The following DYNC1H1 variants were observed in gnomAD, a reference collection of about 807,000 sequenced individuals.
DYNC1H1 encodes dynein cytoplasmic 1 heavy chain 1, also known as cytoplasmic dynein 1 heavy chain 1.
DYNC1H1 carries 51 observed loss-of-function variants against 527.1 expected under a neutral mutation model. The observed-to-expected ratio is 0.10, with a 90% CI of 0.08 to 0.12. The LOEUF (loss-of-function observed/expected upper bound fraction) is 0.12. Among genes scored for constraint, DYNC1H1 ranks in the 10% least tolerant of loss-of-function variants. The pLI is 1.00. For missense variants in DYNC1H1, 2,771 were observed against 5,971.8 expected (o/e 0.46, Z 17.66); for synonymous variants, 2,189 against 2,278.8 (o/e 0.96, Z 1.12).
intron 42 of DYNC1H1, among the ~76,000 whole-genome samples, chr14:102,021,404 G>T (rs1248655704): frequency 6.6e-6 from 1 of 152,106 alleles, no homozygotes; most frequent in South Asian, 2.1e-4. Context: ...CAGATTTCTA[G>T]TACCACAGAG....
Position 102,010,523 on chromosome 14 carries a change from T to G in DYNC1H1, c.6405+64T>G, listed in dbSNP as rs1595614320. On this transcript the variant is annotated intron_variant, in intron 31 of 77. Coordinates refer to ENST00000360184, the MANE Select transcript of DYNC1H1 (RefSeq NM_001376.5). The surrounding 1 kb of genome is among the most constrained non-coding windows in gnomAD (Gnocchi z 6.0). ...TTATTTAAATTTACCTTTTTAACAT[T>G]TAAGCCATGACTTGTGAGTTCTTCT... 6.3e-7 allele frequency: 1 copy of G among 1,583,754 alleles called. No individual in the cohort carries two copies. The highest frequency in any genetic ancestry group is 2.4e-5 in the East Asian group (1 of 42,494).
At chr14:102,008,365 T>C (rs1179672381) in intron 29 of DYNC1H1, 28 bp downstream of exon 29, 2 of 1,613,144 alleles carry the variant, frequency 1.2e-6, no homozygotes, top group Admixed American at 3.3e-5. Context: ...CAAAAATTAC[T>C]TAGAGAATGT....
rs1459783460 is a variant in DYNC1H1, at chr14:102,044,833, T to C, written c.13006+135T>C. The C allele has an allele frequency of 9.5e-7, 1 of 1,052,224 alleles. No individual in the cohort carries two copies. The highest frequency in any genetic ancestry group is 1.4e-6 in the Non-Finnish European group (1 of 710,502). The allele number at this position is 1,052,224 out of a possible 1,614,324, so 65.2% of individuals were successfully genotyped here. On this transcript the variant is annotated intron_variant, in intron 72 of 77. Coordinates refer to ENST00000360184, the MANE Select transcript of DYNC1H1 (RefSeq NM_001376.5). This position sits in a 1 kb window ranked among gnomAD's most constrained non-coding sequence, Gnocchi z 7.1. ...GGGCCCTCCCTGGTTATGCTGGGTG[T>C]GGCTCTGTCAGCCTCGGCCTTCCTG...
chr14:102,053,247 T>G lies in DYNC1H1; in HGVS notation c.*2684T>G, dbSNP rs1323426188. ...CCTCCACCTCCCGGATTCAAGCGATTCTCCTGCCTCAGCCTCCTGAGTAGC... is the reference window on the plus strand; with the variant it reads ...CCTCCACCTCCCGGATTCAAGCGATGCTCCTGCCTCAGCCTCCTGAGTAGC... On this transcript the variant is annotated 3_prime_UTR_variant, in exon 78 of 78. Transcript: ENST00000360184. 1 of 151,186 alleles carries G rather than the reference T, an allele frequency of 6.6e-6. No individual in the cohort carries two copies. The highest frequency in any genetic ancestry group is 1.5e-5 in the Non-Finnish European group (1 of 67,904). The allele number at this position is 151,186 out of a possible 1,614,324, so 9.4% of individuals were successfully genotyped here. A position where few individuals can be genotyped will look rare whatever the true frequency, so the allele number is the denominator to read the frequency against.
chr14:102,007,198 T>C, intron 28 of DYNC1H1, 90 bp downstream of exon 28: 1 of 1,381,346 alleles, frequency 7.2e-7, no homozygotes, highest in Non-Finnish European at 1.0e-6. Flanking sequence ...TCAAAGCCAT[T>C]GGTCTTACAG....
rs117252802 is a variant in DYNC1H1 at position 102,045,886 on chromosome 14, G to A, written c.13006+1188G>A. Among the ~76,000 whole-genome samples the A allele has an allele frequency of 5.5e-3, 839 of 152,206 alleles. 16 individuals carry two copies. Among genetic ancestry groups the A allele is most frequent in the East Asian group, 0.037 (190 of 5,160 alleles). ...AACTTCTTAGAAATGCAGGTTCCCA[G>A]CCGGGCACGGTGGCTCAAGCCTGTA... On this transcript the variant is annotated intron_variant, in intron 72 of 77. Transcript: ENST00000360184.
Position 101,984,448 on chromosome 14 carries a change from A to ATTTTT in DYNC1H1, c.1461+840_1461+841insTTTTT, listed in dbSNP as rs1224932045. ...GTGTGTGTGTATATATATATATATT[A>ATTTTT]TATTTTTTTTTTTTTTTTTTTTTTG... is the stretch of plus-strand genomic sequence containing the variant. On this transcript the variant is annotated intron_variant, in intron 7 of 77. Coordinates refer to ENST00000360184, the MANE Select transcript of DYNC1H1 (RefSeq NM_001376.5). 3.3e-4 allele frequency among the ~76,000 whole-genome samples: 29 copies of ATTTTT among 89,106 alleles called. 5 individuals carry two copies. The highest frequency in any genetic ancestry group is 7.8e-4 in the African/African-American group (14 of 17,886). 58.5% of individuals were successfully genotyped at this position (89,106 alleles called of 152,430 possible).
intron 5 of DYNC1H1, among the ~76,000 whole-genome samples, chr14:101,981,630 C>T (rs2047865488): frequency 6.6e-6 from 1 of 152,204 alleles, no homozygotes; most frequent in Admixed American, 6.5e-5. Flanking sequence ...ATGGTACCCA[C>T]ATCTTAAATG....
intron 1 of DYNC1H1, among the ~76,000 whole-genome samples, chr14:101,969,184 A>ATTT (rs33934050): frequency 1.4e-5 from 2 of 139,192 alleles, no homozygotes; most frequent in African/African-American, 2.6e-5. Flanking sequence ...CACCTGGTTA[A>ATTT]TTTTTTTTTT....
chr14:102,036,532 A>G lies in DYNC1H1; in HGVS notation c.10798A>G (p.Ile3600Val), dbSNP rs2048577256. Residue 3600 changes from isoleucine to valine, a missense_variant, in exon 57 of 78, where the codon ATT (isoleucine) becomes GTT (valine). Ile to Val is a conservative substitution (Grantham distance 29). Transcript: ENST00000360184. The surrounding 1 kb of genome is among the most constrained non-coding windows in gnomAD (Gnocchi z 5.6). Reference protein sequence around the residue: ...IDPSGQATEFIMNEYKDRKIT... With the variant: ...IDPSGQATEFVMNEYKDRKIT... ...CCCCTCTGGACAGGCCACAGAATTCATTATGAATGAATATAAGGATCGTAA... is the reference window on the plus strand; with the variant it reads ...CCCCTCTGGACAGGCCACAGAATTCGTTATGAATGAATATAAGGATCGTAA... 1 of 1,614,156 alleles carries G rather than the reference A, an allele frequency of 6.2e-7. No homozygotes were observed. The highest frequency in any genetic ancestry group is 8.5e-7 in the Non-Finnish European group (1 of 1,180,012).
At chr14:101,982,077 C>T (rs1482259718) in intron 5 of DYNC1H1, among the ~76,000 whole-genome samples, 1 of 152,188 alleles carries the variant, frequency 6.6e-6, no homozygotes, top group Non-Finnish European at 1.5e-5. Flanking sequence ...CTGAGCTCTG[C>T]CCCCGTCACA....
Position 102,033,820 on chromosome 14 carries a change from G to C in DYNC1H1, c.10414-156G>C. On this transcript the variant is annotated intron_variant, in intron 54 of 77. Transcript: ENST00000360184. This position sits in a 1 kb window ranked among gnomAD's most constrained non-coding sequence, Gnocchi z 5.6. The stretch of plus-strand genomic sequence containing the variant: ...TCGTGTGTGGTCATTAGTTATATAT[G>C]ATCTGGGTCTCATCTCCTCTGGGAC... 1.3e-6 allele frequency: 1 copy of C among 792,334 alleles called. No individual in the cohort carries two copies. The highest frequency in any genetic ancestry group is 2.1e-6 in the Non-Finnish European group (1 of 480,976). The allele number at this position is 792,334 out of a possible 1,614,324, so 49.1% of individuals were successfully genotyped here. A position where few individuals can be genotyped will look rare whatever the true frequency, so the allele number is the denominator to read the frequency against.
rs1260969801 is a variant in DYNC1H1, at chr14:102,001,074, C to T, written c.4185+10C>T. 2.5e-6 allele frequency: 4 copies of T among 1,614,042 alleles called. No individual in the cohort carries two copies. The Admixed American group carries it at 5.0e-5, about 20-fold the overall frequency. On this transcript the variant is annotated intron_variant, in intron 19 of 77. Coordinates refer to ENST00000360184, the MANE Select transcript of DYNC1H1 (RefSeq NM_001376.5). This position sits in a 1 kb window ranked among gnomAD's most constrained non-coding sequence, Gnocchi z 5.0. The stretch of plus-strand genomic sequence containing the variant: ...GAAAGGTTACATGAAGGTAGGTGGC[C>T]AGTATCGCACGGTGATGAGTGTCCA...
At position 102,038,742 on chromosome 14, in the gene DYNC1H1, C is replaced by T; in HGVS notation, c.11100C>T (p.Asn3700=). The change falls in exon 59 of 78, where the codon AAC becomes AAT. Residue 3700 remains asparagine, a synonymous_variant. Coordinates refer to ENST00000360184, the MANE Select transcript of DYNC1H1 (RefSeq NM_001376.5). The surrounding 1 kb of genome is among the most constrained non-coding windows in gnomAD (Gnocchi z 7.2). ...PDLCSRVTFV[N]FTVTRSSLQS... ...TCTGTTCCCGGGTTACTTTTGTAAA[C>T]TTCACAGTTACCCGTAGCAGTTTAC... 1 of 1,614,192 alleles carries T rather than the reference C, an allele frequency of 6.2e-7. No homozygotes were observed. The highest frequency in any genetic ancestry group is 1.1e-5 in the South Asian group (1 of 91,082).
At chr14:101,987,654 C>A in intron 9 of DYNC1H1, 22 bp downstream of exon 9, 1 of 1,613,846 alleles carries the variant, frequency 6.2e-7, no homozygotes, top group South Asian at 1.1e-5. Context: ...AATTTGCTAG[C>A]ATTTTCCTCC....
Position 102,034,050 on chromosome 14 carries a change from C to A in DYNC1H1, c.10488C>A (p.Phe3496Leu). ...GATGGGAAAAAACAAGTGAAACTTT[C>A]AAAAACCAGATGTCCACCATTGCTG... ...RERWEKTSET[F>L]KNQMSTIAGD... Residue 3496 changes from phenylalanine (F) to leucine (L), a missense_variant, in exon 55 of 78, where the codon TTC becomes TTA. This residue lies in a region of DYNC1H1 where 283 missense variants were observed against 737.6 expected (regional missense o/e 0.38). Transcript: ENST00000360184. The A allele has an allele frequency of 6.2e-7, 1 of 1,614,118 alleles. No individual in the cohort carries two copies. The highest frequency in any genetic ancestry group is 8.5e-7 in the Non-Finnish European group (1 of 1,180,036).
rs2048610848 is a variant in DYNC1H1, at chr14:102,039,015, C to T, written c.11221C>T (p.Arg3741Cys). 1.2e-6 allele frequency: 2 copies of T among 1,614,100 alleles called. No homozygotes were observed. The highest frequency in any genetic ancestry group is 8.5e-7 in the Non-Finnish European group (1 of 1,180,034). The part of the protein sequence containing the change: ...LLKLQGEFQL[R>C]LRQLEKSLLQ... ...ATTCATTTAAGGGGAATTTCAGCTC[C>T]GTTTGCGTCAGCTGGAAAAATCTCT... Residue 3741 changes from arginine (R) to cysteine (C), a missense_variant, in exon 60 of 78, where the codon CGT (arginine) becomes TGT (cysteine). Around this residue, in one of 32 missense-constraint regions of DYNC1H1, gnomAD observed 283 missense variants for 737.6 expected, o/e 0.38. Transcript: ENST00000360184. The surrounding 1 kb of genome is among the most constrained non-coding windows in gnomAD (Gnocchi z 7.0).
Position 102,048,638 on chromosome 14 carries a change from C to T in DYNC1H1, c.13341C>T (p.Tyr4447=), listed in dbSNP as rs758432699. Reference sequence around the variant, plus strand: ...AAGGAAAGAAGAAGCAGACCAACTACTTGCGCACGCTGATCAACGAGCTAG... The same window carrying T: ...AAGGAAAGAAGAAGCAGACCAACTATTTGCGCACGCTGATCAACGAGCTAG... The part of the protein sequence containing the change: ...VCEGKKKQTN[Y]LRTLINELVK... The change falls in exon 74 of 78, where the codon TAC becomes TAT. Residue 4447 remains tyrosine, a synonymous_variant. Coordinates refer to ENST00000360184, the MANE Select transcript of DYNC1H1 (RefSeq NM_001376.5). 2 of 1,613,740 alleles carry T rather than the reference C, an allele frequency of 1.2e-6. No homozygotes were observed. The highest frequency in any genetic ancestry group is 1.1e-5 in the South Asian group (1 of 91,066).
intron 7 of DYNC1H1, among the ~76,000 whole-genome samples, chr14:101,984,245 C>G (rs1252270770): frequency 1.3e-5 from 2 of 151,904 alleles, no homozygotes; most frequent in African/African-American, 4.8e-5. Context: ...CCACCTCAGC[C>G]TCCCAAAGTG....
Sources: gnomAD v4.1 joint callset for allele counts (sites outside exome capture counted in the v4.1 genomes callset) on GRCh38, gnomAD v4.1.1 for gene constraint, gnomAD v4.1.1 regional missense constraint, Gnocchi (gnomAD v3.1) non-coding constraint, MANE v1.5 for transcripts, NCBI Gene and HGNC (gene_info 2026-07-23, HGNC 2026-07-21) for gene names.